The following COL6A3 variants were observed in gnomAD, a reference collection of about 807,000 sequenced individuals.
The protein encoded by COL6A3 is collagen alpha-3(VI) chain.
In COL6A3, 137 loss-of-function variants were observed where a neutral mutation model predicts 274.1. The ratio of observed to expected loss-of-function variants is 0.50; its 90% confidence interval spans 0.44 to 0.58. The LOEUF (loss-of-function observed/expected upper bound fraction) is 0.58, where lower values mean the gene tolerates loss of function less well. Ranked by LOEUF, COL6A3 falls within the 20% of genes least tolerant of loss-of-function variation. The pLI is 0.00. For missense variants in COL6A3, 3,950 were observed against 4,124.9 expected (o/e 0.96, Z 1.16); for synonymous variants, 1,650 against 1,650.6 (o/e 1.00, Z 0.01).
chr2:237,331,531 T>C (rs1700224690), intron 42 of COL6A3, among the ~76,000 whole-genome samples: 1 of 152,114 alleles, frequency 6.6e-6, no homozygotes, highest in Non-Finnish European at 1.5e-5. Context: ...TTGTTGCCAT[T>C]ACTGTCAGTG....
chr2:237,384,196 C>A (rs913830773), intron 4 of COL6A3, among the ~76,000 whole-genome samples: 2 of 152,142 alleles, frequency 1.3e-5, no homozygotes, highest in African/African-American at 4.8e-5. Context: ...TCTCCTCTGA[C>A]CCAGTGATAA....
rs898779231 is a variant in COL6A3, at chr2:237,394,753, A to G, written c.543T>C (p.Asp181=). The change falls in exon 3 of 44, where the codon GAT becomes GAC. Residue 181 remains aspartate (D), a synonymous_variant. Transcript: ENST00000295550. ...NVFAIGVEDA[D]EGALKEIASE... ...TTGCTATTTCTTTTAACGCTCCTTC[A>G]TCTGCATCCTCAACTCCAATTGCAA... The G allele has an allele frequency of 2.0e-5, 33 of 1,614,122 alleles. No individual in the cohort carries two copies. The highest frequency in any genetic ancestry group is 2.7e-5 in the African/African-American group (2 of 74,948).
chr2:237,355,019 CT>C (rs1031662093), intron 23 of COL6A3, 85 bp from the exon 24 acceptor site: 3 of 1,285,824 alleles, frequency 2.3e-6, no homozygotes, highest in Non-Finnish European at 2.2e-6. Context: ...ACTTCACCCT[CT>C]TATTCTGCGG....
At position 237,413,658 on chromosome 2, in the gene COL6A3, C is replaced by T. The variant is rs373608517; in HGVS notation, c.-31+295G>A. Among the ~76,000 whole-genome samples, 62 of 152,242 alleles carry T rather than the reference C, an allele frequency of 4.1e-4. No individual in the cohort carries two copies. Among genetic ancestry groups the T allele is most frequent in the African/African-American group, 1.5e-3 (61 of 41,544 alleles). On this transcript the variant is annotated intron_variant, in intron 1 of 43. Transcript: ENST00000295550. The surrounding 1 kb of genome is among the most constrained non-coding windows in gnomAD (Gnocchi z 4.0). Reference sequence around the variant, plus strand: ...GCAGTAACTTAAATAAATCATGGGCCGAAACACACTGCCGCCCGGAATGCA... The same window carrying T: ...GCAGTAACTTAAATAAATCATGGGCTGAAACACACTGCCGCCCGGAATGCA...
intron 1 of COL6A3, among the ~76,000 whole-genome samples, chr2:237,397,113 G>A (rs919552316): frequency 6.6e-6 from 1 of 151,028 alleles, no homozygotes. Context: ...AAGGAAGGAA[G>A]GAGGGAGGGA....
intron 1 of COL6A3, among the ~76,000 whole-genome samples, chr2:237,397,467 G>A (rs2078479160): frequency 6.9e-6 from 1 of 144,232 alleles, no homozygotes; most frequent in Non-Finnish European, 1.5e-5. Flanking sequence ...AAGAGAGAGA[G>A]GGAGGGAGGG....
intron 10 of COL6A3, among the ~76,000 whole-genome samples, chr2:237,367,653 T>C (rs1181017864): frequency 6.6e-6 from 1 of 152,226 alleles, no homozygotes; most frequent in African/African-American, 2.4e-5. Flanking sequence ...TTTTAGGAAA[T>C]GCCACTAGAA....
At chr2:237,333,659 G>T (rs993687776) in intron 41 of COL6A3, 111 bp from the exon 42 acceptor site, 4 of 902,022 alleles carry the variant, frequency 4.4e-6, no homozygotes, top group Non-Finnish European at 7.1e-6. Flanking sequence ...TTATGTTGGG[G>T]AGTGGTGATT....
At chr2:237,358,618 G>A (rs369365540) in intron 20 of COL6A3, 35 bp from the exon 21 acceptor site, 3 of 1,557,278 alleles carry the variant, frequency 1.9e-6, no homozygotes, top group Non-Finnish European at 2.7e-6. Flanking sequence ...CTAAAAACTA[G>A]ATGTTTCCAT....
Position 237,348,589 on chromosome 2 carries a change from GGATAATCCTCAGCA to G in COL6A3, c.6930+10_6930+23del. ...GAGCCTCCTGGCAGCAAGGACGCTTGGATAATCCTCAGCAGATACGTACTTTTTTGCCTCTGCGT... is the reference window on the plus strand; with the variant it reads ...GAGCCTCCTGGCAGCAAGGACGCTTGGATACGTACTTTTTTGCCTCTGCGT... On this transcript the variant is annotated intron_variant, in intron 29 of 43. Transcript: ENST00000295550. 1 of 1,610,968 alleles carries G rather than the reference GGATAATCCTCAGCA, an allele frequency of 6.2e-7. No homozygotes were observed. Among genetic ancestry groups the G allele is most frequent in the Non-Finnish European group, 8.5e-7 (1 of 1,177,456 alleles).
intron 2 of COL6A3, 130 bp from the exon 3 acceptor site, chr2:237,395,334 A>G: frequency 1.1e-6 from 1 of 949,312 alleles, no homozygotes; most frequent in Non-Finnish European, 1.6e-6. Flanking sequence ...CACTGATAAT[A>G]CAGGAAGGTA....
chr2:237,337,132 G>A (rs1233440095), intron 39 of COL6A3, among the ~76,000 whole-genome samples: 1 of 151,820 alleles, frequency 6.6e-6, no homozygotes, highest in Non-Finnish European at 1.5e-5. Context: ...ATAACAACAA[G>A]GACCCACACT....
Position 237,344,045 on chromosome 2 carries a change from A to G in COL6A3, c.7668+305T>C. ...CCAGGTCCTCATGAATAAAGCAAACAAGTCACACCACCTTGTTAGTAGATA... is the reference window on the plus strand; with the variant it reads ...CCAGGTCCTCATGAATAAAGCAAACGAGTCACACCACCTTGTTAGTAGATA... On this transcript the variant is annotated intron_variant, in intron 36 of 43. Transcript: ENST00000295550. The surrounding 1 kb of genome is among the most constrained non-coding windows in gnomAD (Gnocchi z 4.8). 2.2e-6 allele frequency: 1 copy of G among 460,040 alleles called. No individual in the cohort carries two copies. The highest frequency in any genetic ancestry group is 2.0e-5 in the African/African-American group (1 of 50,600). The allele number at this position is 460,040 out of a possible 1,614,324, so 28.5% of individuals were successfully genotyped here.
Position 237,396,866 on chromosome 2 carries a change from C to A in COL6A3, c.-30-19G>T. On this transcript the variant is annotated intron_variant, in intron 1 of 43. Coordinates refer to ENST00000295550, the MANE Select transcript of COL6A3 (RefSeq NM_004369.4). Reference sequence around the variant, plus strand: ...TATGAACCTAAAAGAGAAAACAGGGCAAAGGGAATGATCAGTTTTTGACTC... The same window carrying A: ...TATGAACCTAAAAGAGAAAACAGGGAAAAGGGAATGATCAGTTTTTGACTC... 1 of 1,553,592 alleles carries A rather than the reference C, an allele frequency of 6.4e-7. No homozygotes were observed. The highest frequency in any genetic ancestry group is 1.1e-5 in the South Asian group (1 of 89,762).
chr2:237,407,735 G>A lies in COL6A3; in HGVS notation c.-31+6218C>T, dbSNP rs974061378. ...TCTGGTGTGATTTGAAAAGCTAGAC[G>A]CCACCATGCAAATGTAAAACACATT... On this transcript the variant is annotated intron_variant, in intron 1 of 43. Transcript: ENST00000295550. The surrounding 1 kb of genome is among the most constrained non-coding windows in gnomAD (Gnocchi z 4.3). Among the ~76,000 whole-genome samples the A allele has an allele frequency of 1.4e-4, 22 of 152,190 alleles. No individual in the cohort carries two copies. The highest frequency in any genetic ancestry group is 2.5e-4 in the Non-Finnish European group (17 of 68,032).
rs749750613 is a variant in COL6A3 at position 237,344,410 on chromosome 2, C to T, written c.7608G>A (p.Ala2536=). Residue 2536 remains alanine, a synonymous_variant, in exon 36 of 44, where the codon GCG becomes GCA. Transcript: ENST00000295550. The surrounding 1 kb of genome is among the most constrained non-coding windows in gnomAD (Gnocchi z 4.8). ...LREAVLKLSD[A]GITPLFLTRQ... ...TTGTAAGGAACAAGGGGGTGATCCCCGCATCTGAGAGCTTGAGCACAGCCT... is the reference window on the plus strand; with the variant it reads ...TTGTAAGGAACAAGGGGGTGATCCCTGCATCTGAGAGCTTGAGCACAGCCT... The T allele has an allele frequency of 1.0e-4, 162 of 1,614,068 alleles. No individual in the cohort carries two copies. Among genetic ancestry groups the T allele is most frequent in the Non-Finnish European group, 1.2e-4 (147 of 1,180,022 alleles).
chr2:237,394,365 A>T lies in COL6A3; in HGVS notation c.709+222T>A, dbSNP rs565555126. On this transcript the variant is annotated intron_variant, in intron 3 of 43. Coordinates refer to ENST00000295550, the MANE Select transcript of COL6A3 (RefSeq NM_004369.4). Reference sequence around the variant, plus strand: ...TGGGTTTTTTTAGACTGAAAATATTAGTTGTTTAAAAAAAGACTCTTCTTG... The same window carrying T: ...TGGGTTTTTTTAGACTGAAAATATTTGTTGTTTAAAAAAAGACTCTTCTTG... 1.3e-3 allele frequency among the ~76,000 whole-genome samples: 202 copies of T among 152,338 alleles called. 2 individuals carry two copies. Among genetic ancestry groups the T allele is most frequent in the South Asian group, 4.4e-3 (21 of 4,824 alleles).
At chr2:237,386,839 A>G (rs2078154965) in intron 4 of COL6A3, among the ~76,000 whole-genome samples, 1 of 152,184 alleles carries the variant, frequency 6.6e-6, no homozygotes, top group South Asian at 2.1e-4. Context: ...AGAGGAGGCT[A>G]TGCATCCTGA....
rs189419499 is a variant in COL6A3, at chr2:237,377,455, A to G, written c.2498-111T>C. On this transcript the variant is annotated intron_variant, in intron 6 of 43. Transcript: ENST00000295550. ...AGGAGTTGGTGAAACTCATCTGATGACCACTGTGCCAGCAAGAGAAGAGAA... is the reference window on the plus strand; with the variant it reads ...AGGAGTTGGTGAAACTCATCTGATGGCCACTGTGCCAGCAAGAGAAGAGAA... 3.0e-3 allele frequency: 3,041 copies of G among 1,022,938 alleles called. 80 individuals carry two copies. In the Admixed American group the frequency reaches 0.049, roughly 17 times the overall value. The allele number at this position is 1,022,938 out of a possible 1,614,324, so 63.4% of individuals were successfully genotyped here. A position where few individuals can be genotyped will look rare whatever the true frequency, so the allele number is the denominator to read the frequency against.
Sources: gnomAD v4.1 joint callset for allele counts (sites outside exome capture counted in the v4.1 genomes callset) on GRCh38, gnomAD v4.1.1 for gene constraint, Gnocchi (gnomAD v3.1) non-coding constraint, MANE v1.5 for transcripts, NCBI Gene and HGNC (gene_info 2026-07-23, HGNC 2026-07-21) for gene names.